The following SEPTIN10 variants were observed in gnomAD, a reference collection of about 807,000 sequenced individuals.
SEPTIN10 encodes the protein septin 10.
Under a neutral mutation model 54.8 loss-of-function variants are expected in SEPTIN10, and 66 were observed. The observed-to-expected ratio is 1.21, with a 90% CI of 0.99 to 1.48. The LOEUF is 1.48. Ranked by LOEUF, SEPTIN10 falls within the 40% of genes most tolerant of loss-of-function variation. SEPTIN10 has a pLI of 0.00. For missense variants in SEPTIN10, 620 were observed against 545.6 expected, an observed-to-expected ratio of 1.14 and a Z score of -1.36; for synonymous variants, 161 against 181.0, an observed-to-expected ratio of 0.89 and a Z score of 0.89.
chr2:109,583,903 A>G (rs1012705770), intron 4 of SEPTIN10, among the ~76,000 whole-genome samples: 2 of 152,160 alleles, frequency 1.3e-5, no homozygotes, highest in Non-Finnish European at 2.9e-5. Flanking sequence ...ACCAAATACC[A>G]TATGTTCTCA....
At chr2:109,613,046 G>A (rs1699604546) in intron 1 of SEPTIN10, 2 of 541,810 alleles carry the variant, frequency 3.7e-6, no homozygotes, top group Non-Finnish European at 3.3e-6. Context: ...AAAATTAAAA[G>A]GGAGAATTTG....
chr2:109,573,370 C>T (rs1558784202), intron 5 of SEPTIN10, among the ~76,000 whole-genome samples: 1 of 152,212 alleles, frequency 6.6e-6, no homozygotes, highest in Non-Finnish European at 1.5e-5. Flanking sequence ...ACTGCACACT[C>T]TTGTTTTTAT....
Position 109,546,089 on chromosome 2 carries a change from G to T in SEPTIN10, c.1310C>A (p.Ala437Glu), listed in dbSNP as rs1356603798. 1.9e-6 allele frequency: 3 copies of T among 1,603,700 alleles called. No individual in the cohort carries two copies. The highest frequency in any genetic ancestry group is 2.6e-6 in the Non-Finnish European group (3 of 1,176,312). The change falls in exon 10 of 11, where the codon GCA (alanine) becomes GAA (glutamate). Residue 437 changes from alanine to glutamate, a missense_variant. By Grantham distance (107) the Ala-to-Glu change is moderately radical. Transcript: ENST00000397712. Reference sequence around the variant, plus strand: ...GTCCTTCCTCAGGTTGCTGCCTGTTGCCAGAAAGGACTGGCTGTGAAATAT... The same window carrying T: ...GTCCTTCCTCAGGTTGCTGCCTGTTTCCAGAAAGGACTGGCTGTGAAATAT... ...SEIFHSQSFL[A>E]TGSNLRKDKD...
rs4471898 is a variant in SEPTIN10, at chr2:109,578,061, G to T, written c.414-3294C>A. ...CACTCATCTTCAACTTTAAGTGAAA[G>T]ATTATGTGTGATAATGTGTAAGAGA... On this transcript the variant is annotated intron_variant, in intron 4 of 10. Coordinates refer to ENST00000397712, the MANE Select transcript of SEPTIN10 (RefSeq NM_144710.5). Among the ~76,000 whole-genome samples the T allele has an allele frequency of 3.7e-4, 56 of 152,094 alleles. No individual in the cohort carries two copies. In the East Asian group the frequency reaches 0.011, roughly 29 times the overall value.
At chr2:109,607,183 A>G (rs1394497109) in intron 1 of SEPTIN10, among the ~76,000 whole-genome samples, 2 of 152,198 alleles carry the variant, frequency 1.3e-5, no homozygotes, top group African/African-American at 2.4e-5. Flanking sequence ...TAATCACACA[A>G]ATAATTTGTA....
At chr2:109,573,274 A>G (rs1688817503) in intron 5 of SEPTIN10, among the ~76,000 whole-genome samples, 1 of 152,238 alleles carries the variant, frequency 6.6e-6, no homozygotes, top group African/African-American at 2.4e-5. Flanking sequence ...GACAGAGCCA[A>G]TATTTAGAGC....
intron 1 of SEPTIN10, among the ~76,000 whole-genome samples, chr2:109,606,100 G>C (rs1169629136): frequency 6.6e-6 from 1 of 152,212 alleles, no homozygotes; most frequent in Non-Finnish European, 1.5e-5. Context: ...ACAGTACTCA[G>C]CTCATGGGCT....
At chr2:109,564,896 TAA>T (rs886636986) in intron 7 of SEPTIN10, among the ~76,000 whole-genome samples, 22 of 152,342 alleles carry the variant, frequency 1.4e-4, no homozygotes, top group African/African-American at 5.3e-4. Flanking sequence ...ACATAATGTT[TAA>T]AGAGTATGTA....
intron 8 of SEPTIN10, among the ~76,000 whole-genome samples, chr2:109,553,451 G>GGA (rs1683548466): frequency 6.6e-6 from 1 of 151,888 alleles, no homozygotes; most frequent in African/African-American, 2.4e-5. Flanking sequence ...GGCTGAGGTG[G>GGA]GAGAATCACC....
At chr2:109,587,581 T>C (rs973308525) in intron 2 of SEPTIN10, among the ~76,000 whole-genome samples, 1 of 152,096 alleles carries the variant, frequency 6.6e-6, no homozygotes, top group Admixed American at 6.6e-5. Context: ...GGAACTCACA[T>C]CTAGGGACAT....
chr2:109,606,198 C>T (rs2106274663), intron 1 of SEPTIN10, among the ~76,000 whole-genome samples: 1 of 152,216 alleles, frequency 6.6e-6, no homozygotes, highest in East Asian at 1.9e-4. Flanking sequence ...GGGAGGATTA[C>T]AAAGTCAAGA....
rs144526736 is a variant in SEPTIN10, at chr2:109,555,238, A to G, written c.1029-2019T>C. ...TTAAATTGCACTCAAGAAACTTTAT[A>G]ATCTCTGGCCTAATTCTACCTTTCC... On this transcript the variant is annotated intron_variant, in intron 8 of 10. Coordinates refer to ENST00000397712, the MANE Select transcript of SEPTIN10 (RefSeq NM_144710.5). 3.7e-4 allele frequency among the ~76,000 whole-genome samples: 56 copies of G among 152,308 alleles called. 2 individuals are homozygous for G. The East Asian group carries it at 8.7e-3, about 24-fold the overall frequency.
intron 4 of SEPTIN10, among the ~76,000 whole-genome samples, chr2:109,583,575 T>C (rs1691731814): frequency 6.6e-6 from 1 of 152,148 alleles, no homozygotes. Context: ...TGGAAAGCAG[T>C]TTGGAGATTT....
intron 10 of SEPTIN10, chr2:109,545,812 G>T: frequency 7.0e-7 from 1 of 1,424,176 alleles, no homozygotes; most frequent in South Asian, 1.6e-5. Context: ...TTTTTATTTT[G>T]TTCATTCATT....
chr2:109,572,647 C>G (rs1688684331), intron 5 of SEPTIN10, among the ~76,000 whole-genome samples: 1 of 136,904 alleles, frequency 7.3e-6, no homozygotes, highest in Non-Finnish European at 1.5e-5. Flanking sequence ...GACGGAGTCT[C>G]GCTCTGTCGC....
At chr2:109,591,257 C>T (rs1694010391) in intron 2 of SEPTIN10, among the ~76,000 whole-genome samples, 1 of 152,126 alleles carries the variant, frequency 6.6e-6, no homozygotes, top group Non-Finnish European at 1.5e-5. Flanking sequence ...ATGCTTATTA[C>T]ATAAAAGTTG....
At position 109,546,044 on chromosome 2, in the gene SEPTIN10, TCTTA is replaced by T. The variant is rs763052156; in HGVS notation, c.1349+2_1349+5del. Reference sequence around the variant, plus strand: ...GGCTGCCAGGGAGGGTGGCTGGGCCTCTTACTTCTTACGGTCCTTGTCCTTCCTC... The same window carrying T: ...GGCTGCCAGGGAGGGTGGCTGGGCCTCTTCTTACGGTCCTTGTCCTTCCTC... On this transcript the variant is annotated splice_donor_variant and splice_donor_5th_base_variant and intron_variant, in intron 10 of 10. Coordinates refer to ENST00000397712, the MANE Select transcript of SEPTIN10 (RefSeq NM_144710.5). LOFTEE classifies it high-confidence loss of function. 3.8e-6 allele frequency: 6 copies of T among 1,563,244 alleles called. No individual in the cohort carries two copies. In the Admixed American group the frequency reaches 6.0e-5, roughly 16 times the overall value.
intron 1 of SEPTIN10, among the ~76,000 whole-genome samples, chr2:109,599,476 A>AG (rs1170094943): frequency 9.2e-5 from 14 of 151,752 alleles, no homozygotes; most frequent in African/African-American, 2.4e-4. Context: ...AAAAAAAAAA[A>AG]AGAACTCAAG....
intron 5 of SEPTIN10, among the ~76,000 whole-genome samples, chr2:109,572,452 T>G (rs1475983535): frequency 6.6e-6 from 1 of 151,760 alleles, no homozygotes; most frequent in African/African-American, 2.4e-5. Context: ...ATTTTATATA[T>G]GAAAAATTGA....
Sources: gnomAD v4.1 joint callset for allele counts (sites outside exome capture counted in the v4.1 genomes callset) on GRCh38, gnomAD v4.1.1 for gene constraint, MANE v1.5 for transcripts, NCBI Gene and HGNC (gene_info 2026-07-23, HGNC 2026-07-21) for gene names.